Variants in SETDB1 observed in about 807,000 individuals in gnomAD.
SETDB1 encodes SET domain bifurcated histone lysine methyltransferase 1.
SETDB1 carries 31 observed loss-of-function variants against 137.4 expected under a neutral mutation model. That is an observed-to-expected ratio of 0.23 (90% CI 0.17 to 0.30). The LOEUF (loss-of-function observed/expected upper bound fraction) is 0.30, where lower values mean the gene tolerates loss of function less well. Ranked by LOEUF, SETDB1 falls within the 10% of genes least tolerant of loss-of-function variation. SETDB1 has a pLI of 1.00. For synonymous variants in SETDB1, 548 were observed against 579.9 expected (o/e 0.95, Z 0.79); for missense variants, 1,113 against 1,631.5 (o/e 0.68, Z 5.47).
At chr1:150,947,383 T>G (rs890533866) in intron 10 of SETDB1, among the ~76,000 whole-genome samples, 1 of 152,070 alleles carries the variant, frequency 6.6e-6, no homozygotes, top group African/African-American at 2.4e-5. Context: ...GGTCTTGAAC[T>G]CCTGGGCTCA....
At position 150,962,335 on chromosome 1, in the gene SETDB1, GTT is replaced by G. The variant is rs3831985; in HGVS notation, c.3161+181_3161+182del. Among the ~76,000 whole-genome samples the G allele has an allele frequency of 5.9e-5, 9 of 152,096 alleles. No homozygotes were observed. In the East Asian group the frequency reaches 1.5e-3, roughly 26 times the overall value. ...GGGTGTGCACCACCATGCCTGGCTAGTTTTTGTATTTTTTGTAGACACGGGGT... is the reference window on the plus strand; with the variant it reads ...GGGTGTGCACCACCATGCCTGGCTAGTTTGTATTTTTTGTAGACACGGGGT... On this transcript the variant is annotated intron_variant, in intron 17 of 21. Transcript: ENST00000692827.
chr1:150,955,712 GCTC>G (rs1389659322), intron 14 of SETDB1, among the ~76,000 whole-genome samples: 1 of 152,010 alleles, frequency 6.6e-6, no homozygotes, highest in Non-Finnish European at 1.5e-5. Context: ...TATTATATAA[GCTC>G]CTTCATGAGG....
At chr1:150,936,765 G>A (rs587699858) in intron 3 of SETDB1, among the ~76,000 whole-genome samples, 3 of 151,870 alleles carry the variant, frequency 2.0e-5, no homozygotes, top group South Asian at 2.1e-4. Flanking sequence ...AGCTCACTTC[G>A]ACTTCAGCCT....
intron 4 of SETDB1, among the ~76,000 whole-genome samples, chr1:150,940,646 T>TC (rs1670109132): frequency 1.3e-5 from 2 of 149,806 alleles, no homozygotes; most frequent in Admixed American, 1.3e-4. Flanking sequence ...GGCAGGTGGA[T>TC]CACCTTAGGT....
chr1:150,949,630 A>G (rs1421149401), intron 12 of SETDB1, 105 bp downstream of exon 12: 1 of 992,520 alleles, frequency 1.0e-6, no homozygotes. Context: ...AGCTTATGAT[A>G]GTGAGGAGTT....
intron 14 of SETDB1, among the ~76,000 whole-genome samples, chr1:150,955,209 A>G (rs1670604297): frequency 6.6e-6 from 1 of 152,262 alleles, no homozygotes; most frequent in South Asian, 2.1e-4. Context: ...TTTAGATTTG[A>G]TAATGCTGGG....
At chr1:150,928,117 G>C (rs587601381) in intron 2 of SETDB1, 143 bp downstream of exon 2, 52 of 952,494 alleles carry the variant, frequency 5.5e-5, no homozygotes, top group Admixed American at 7.6e-5. Flanking sequence ...GAGTGCAGTG[G>C]AGTGATCCTG....
chr1:150,931,726 C>CAAAAAAAAAAA (rs10691133), intron 3 of SETDB1, among the ~76,000 whole-genome samples: 1 of 72,344 alleles, frequency 1.4e-5, no homozygotes, highest in Non-Finnish European at 2.7e-5. Flanking sequence ...CTGTCTCACC[C>CAAAAAAAAAAA]AAAAAAAAAA....
At chr1:150,962,789 C>T in intron 18 of SETDB1, 70 bp downstream of exon 18, 1 of 1,542,014 alleles carries the variant, frequency 6.5e-7, no homozygotes, top group South Asian at 1.1e-5. Flanking sequence ...TCAAGTCCTT[C>T]ACTATAATTA....
At chr1:150,939,523 C>T (rs1226126048) in intron 3 of SETDB1, among the ~76,000 whole-genome samples, 2 of 151,942 alleles carry the variant, frequency 1.3e-5, no homozygotes, top group Non-Finnish European at 2.9e-5. Flanking sequence ...CGGGGTTTCA[C>T]CATGTTGACC....
intron 14 of SETDB1, among the ~76,000 whole-genome samples, chr1:150,956,183 C>G (rs1270952005): frequency 6.6e-6 from 1 of 151,130 alleles, no homozygotes; most frequent in East Asian, 1.9e-4. Context: ...GTCAGGAATT[C>G]AAGATCAGCC....
Position 150,960,958 on chromosome 1 carries a change from G to C in SETDB1, c.2899G>C (p.Gly967Arg), listed in dbSNP as rs1670798725. 6 of 1,613,802 alleles carry C rather than the reference G, an allele frequency of 3.7e-6. No individual in the cohort carries two copies. The highest frequency in any genetic ancestry group is 5.1e-6 in the Non-Finnish European group (6 of 1,179,976). ...TCCTGTTCCTCCCTCAATCCCTGTA[G>C]GTGGCTGCAATCCACCTTCCTCCGA... Reference protein sequence around the residue: ...HIPVPPSIPVGGCNPPSSEET... With the variant: ...HIPVPPSIPVRGCNPPSSEET... Residue 967 changes from glycine to arginine, a missense_variant, in exon 16 of 22, where the codon GGT becomes CGT. Physicochemically the swap from Gly to Arg is moderately radical, Grantham distance 125. This residue lies in a region of SETDB1 where 373 missense variants were observed against 412.7 expected (regional missense o/e 0.90). Transcript: ENST00000692827.
intron 3 of SETDB1, 92 bp from the exon 4 acceptor site, chr1:150,939,848 A>G: frequency 1.2e-6 from 1 of 851,882 alleles, no homozygotes; most frequent in Non-Finnish European, 1.9e-6. Context: ...TAATGCTCCC[A>G]TAATAATGCT....
rs1670795329 is a variant in SETDB1, at chr1:150,960,881, C to G, written c.2822C>G (p.Ser941Cys). Residue 941 changes from serine to cysteine, a missense_variant, in exon 16 of 22, where the codon TCT becomes TGT. This residue lies in a region of SETDB1 where 373 missense variants were observed against 412.7 expected (regional missense o/e 0.90). Coordinates refer to ENST00000692827, the MANE Select transcript of SETDB1 (RefSeq NM_001366418.1). ...QTRGQKENGL[S>C]ETTSKDSHPP... The stretch of plus-strand genomic sequence containing the variant: ...CGGGGCCAGAAAGAGAACGGACTCT[C>G]TGAGACAACTTCCAAGGACTCCCAC... 6.2e-7 allele frequency: 1 copy of G among 1,610,938 alleles called. No individual in the cohort carries two copies. The highest frequency in any genetic ancestry group is 1.3e-5 in the African/African-American group (1 of 74,866).
Position 150,960,932 on chromosome 1 carries a change from T to C in SETDB1, c.2873T>C (p.Ile958Thr), listed in dbSNP as rs1423333573. The change falls in exon 16 of 22, where the codon ATT becomes ACT. Residue 958 changes from isoleucine to threonine, a missense_variant. Ile to Thr is a moderately conservative substitution (Grantham distance 89). Transcript: ENST00000692827. The stretch of plus-strand genomic sequence containing the variant: ...CCCCCAGATCTTGGACCCCCACATA[T>C]TCCTGTTCCTCCCTCAATCCCTGTA... Reference protein sequence around the residue: ...SHPPDLGPPHIPVPPSIPVGG... With the variant: ...SHPPDLGPPHTPVPPSIPVGG... 4 of 1,604,694 alleles carry C rather than the reference T, an allele frequency of 2.5e-6. No homozygotes were observed. In the South Asian group the frequency reaches 3.3e-5, roughly 13 times the overall value.
chr1:150,931,985 T>A (rs1571624230), intron 3 of SETDB1, among the ~76,000 whole-genome samples: 1 of 151,966 alleles, frequency 6.6e-6, no homozygotes, highest in South Asian at 2.1e-4. Context: ...TTACAGTAGT[T>A]GTTTTTTTAG....
intron 7 of SETDB1, 35 bp from the exon 8 acceptor site, chr1:150,943,885 C>A (rs1049080813): frequency 7.0e-6 from 9 of 1,294,840 alleles, no homozygotes; most frequent in Non-Finnish European, 1.0e-5. Flanking sequence ...ATATCATAAC[C>A]CCCAGATCTT....
At chr1:150,954,524 A>T (rs761230703) in intron 14 of SETDB1, among the ~76,000 whole-genome samples, 3 of 152,204 alleles carry the variant, frequency 2.0e-5, no homozygotes, top group Non-Finnish European at 4.4e-5. Flanking sequence ...AGGTCCCAAC[A>T]TAATGAAGGA....
chr1:150,939,946 C>G lies in SETDB1; in HGVS notation c.419C>G (p.Ala140Gly). The change falls in exon 4 of 22, where the codon GCT (alanine) becomes GGT (glycine). Residue 140 changes from alanine to glycine, a missense_variant. Around this residue, in one of 11 missense-constraint regions of SETDB1, gnomAD observed 159 missense variants for 188.6 expected, o/e 0.84. Transcript: ENST00000692827. ...DDVLSIDSGD[A>G]GSRTPKDQKL... Reference sequence around the variant, plus strand: ...GAGTTCTTCTCGTCCATAGGTGATGCTGGGAGCAGAACTCCAAAAGACCAG... The same window carrying G: ...GAGTTCTTCTCGTCCATAGGTGATGGTGGGAGCAGAACTCCAAAAGACCAG... 3 of 1,612,350 alleles carry G rather than the reference C, an allele frequency of 1.9e-6. No homozygotes were observed. The highest frequency in any genetic ancestry group is 2.5e-6 in the Non-Finnish European group (3 of 1,178,618).
Sources: allele counts gnomAD v4.1 joint callset (sites outside exome capture counted in the v4.1 genomes callset), GRCh38; gene constraint gnomAD v4.1.1; regional missense constraint gnomAD v4.1.1; transcripts MANE v1.5; gene names NCBI Gene and HGNC (gene_info 2026-07-23, HGNC 2026-07-21).